Variants in PCDHGC4 observed in about 807,000 individuals in gnomAD.
PCDHGC4 encodes protocadherin gamma-C4.
In PCDHGC4, 15 loss-of-function variants were observed where a neutral mutation model predicts 59.7. That is an observed-to-expected ratio of 0.25 (90% CI 0.17 to 0.39). The LOEUF (loss-of-function observed/expected upper bound fraction) is 0.39. PCDHGC4 is among the 10% of genes least tolerant of loss of function. PCDHGC4 has a pLI of 1.00. For synonymous variants in PCDHGC4, 434 were observed against 481.4 expected (o/e 0.90, Z 1.29); for missense variants, 1,016 against 1,189.5 (o/e 0.85, Z 2.15).
In PCDHGC4 at chr5:141,490,803, C is replaced by A; in HGVS notation, c.2442+3188C>A. The A allele has an allele frequency of 6.2e-7, 1 of 1,613,956 alleles. No homozygotes were observed. Among genetic ancestry groups the A allele is most frequent in the South Asian group, 1.1e-5 (1 of 91,080 alleles). On this transcript the variant is annotated intron_variant, in intron 1 of 3. Transcript: ENST00000306593. The surrounding 1 kb of genome is among the most constrained non-coding windows in gnomAD (Gnocchi z 5.4). ...ATGGACGGATCTTTGCCCAGCGTAC[C>A]TTTGACTATGAATTGCTGCAGATGC...
intron 3 of PCDHGC4, among the ~76,000 whole-genome samples, chr5:141,510,329 A>T (rs1433056614): frequency 2.7e-5 from 4 of 150,230 alleles, no homozygotes; most frequent in Admixed American, 2.7e-4. Flanking sequence ...AGCACTCTTC[A>T]CCCCCACCCC....
rs1203945578 is a variant in PCDHGC4 at position 141,512,055 on chromosome 5, T to G, written c.*882T>G. 6.5e-6 allele frequency: 1 copy of G among 152,698 alleles called. No homozygotes were observed. The highest frequency in any genetic ancestry group is 1.5e-5 in the Non-Finnish European group (1 of 68,092). 9.5% of individuals were successfully genotyped at this position (152,698 alleles called of 1,614,324 possible). The stretch of plus-strand genomic sequence containing the variant: ...GAGGCTCTGTATGTCCTCAGGGGAC[T>G]GACAACATCCTCCAGATTCCAGCCA... On this transcript the variant is annotated 3_prime_UTR_variant, in exon 4 of 4. Transcript: ENST00000306593.
intron 2 of PCDHGC4, among the ~76,000 whole-genome samples, chr5:141,502,401 G>A (rs191747075): frequency 2.0e-5 from 3 of 151,874 alleles, no homozygotes; most frequent in Admixed American, 1.3e-4. Flanking sequence ...AAATGTCCCC[G>A]AACCTGGATT....
At chr5:141,488,978 C>T (rs1346335195) in intron 1 of PCDHGC4, 4 of 388,976 alleles carry the variant, frequency 1.0e-5, no homozygotes, top group African/African-American at 2.1e-5. Flanking sequence ...GCCAATCAGA[C>T]TCAGAGCTGA....
rs2099606506 is a variant in PCDHGC4 at position 141,485,072 on chromosome 5, G to A, written c.-102G>A. ...CCGGCCGAACCGCGCCAGAGCTGGC[G>A]CGGGGAAAGGGAGATAGGTGTCTCC... On this transcript the variant is annotated 5_prime_UTR_variant, in exon 1 of 4. Transcript: ENST00000306593. This position sits in a 1 kb window ranked among gnomAD's most constrained non-coding sequence, Gnocchi z 5.7. 2 of 916,892 alleles carry A rather than the reference G, an allele frequency of 2.2e-6. No homozygotes were observed. The highest frequency in any genetic ancestry group is 3.4e-6 in the Non-Finnish European group (2 of 587,886). The allele number at this position is 916,892 out of a possible 1,614,324, so 56.8% of individuals were successfully genotyped here.
In PCDHGC4 at chr5:141,510,992, T is replaced by C. The variant is rs879030278; in HGVS notation, c.2636T>C (p.Met879Thr). The change falls in exon 4 of 4, where the codon ATG (methionine) becomes ACG (threonine). Residue 879 changes from methionine to threonine, a missense_variant. By Grantham distance (81) the Met-to-Thr change is moderately conservative. Coordinates refer to ENST00000306593, the MANE Select transcript of PCDHGC4 (RefSeq NM_018928.3). ...SSTLGGGAGT[M>T]GLSARYGPQF... is the part of the protein sequence containing the mutation. ...ACCCTGGGAGGGGGTGCCGGCACCA[T>C]GGGATTGAGCGCCCGCTACGGACCC... The C allele has an allele frequency of 1.9e-6, 3 of 1,614,164 alleles. No individual in the cohort carries two copies. The highest frequency in any genetic ancestry group is 2.5e-6 in the Non-Finnish European group (3 of 1,180,006).
chr5:141,501,290 TACACACACACACACACACAC>T (rs55762287), intron 2 of PCDHGC4, among the ~76,000 whole-genome samples: 1 of 136,162 alleles, frequency 7.3e-6, no homozygotes, highest in Non-Finnish European at 1.6e-5. Flanking sequence ...TATTCCCTTA[TACACACACACACACACACAC>T]ACACACACAC....
rs1176011355 is a variant in PCDHGC4 at position 141,485,491 on chromosome 5, G to A, written c.318G>A (p.Leu106=). The A allele has an allele frequency of 1.2e-6, 2 of 1,614,142 alleles. No individual in the cohort carries two copies. Among genetic ancestry groups the A allele is most frequent in the Non-Finnish European group, 1.7e-6 (2 of 1,180,040 alleles). The change falls in exon 1 of 4, where the codon CTG becomes CTA. Residue 106 remains leucine (L), a synonymous_variant. Transcript: ENST00000306593. This position sits in a 1 kb window ranked among gnomAD's most constrained non-coding sequence, Gnocchi z 5.7. ...CGLSASCIVP[L]EFVTEGPLEM... is the part of the protein sequence containing the mutation. ...TCAGTGCCAGCTGCATCGTGCCCCT[G>A]GAGTTTGTCACCGAAGGTCCTTTGG...
In PCDHGC4 at chr5:141,487,365, G is replaced by A. The variant is rs1466536791; in HGVS notation, c.2192G>A (p.Cys731Tyr). The change falls in exon 1 of 4, where the codon TGT becomes TAT. Residue 731 changes from cysteine to tyrosine, a missense_variant. Coordinates refer to ENST00000306593, the MANE Select transcript of PCDHGC4 (RefSeq NM_018928.3). This position sits in a 1 kb window ranked among gnomAD's most constrained non-coding sequence, Gnocchi z 5.0. ...GTCACATGCTTTCCTGCTGGCACCT[G>A]TGCCTGTCTCACCAGATCTCGAAGG... ...CGVTCFPAGT[C>Y]ACLTRSRRRE... is the part of the protein sequence containing the mutation. The A allele has an allele frequency of 1.2e-6, 2 of 1,614,068 alleles. No homozygotes were observed. Among genetic ancestry groups the A allele is most frequent in the South Asian group, 1.1e-5 (1 of 91,088 alleles).
intron 3 of PCDHGC4, among the ~76,000 whole-genome samples, chr5:141,507,645 G>A (rs565235954): frequency 6.6e-6 from 1 of 152,382 alleles, no homozygotes; most frequent in South Asian, 2.1e-4. Flanking sequence ...CTGAGGCCAG[G>A]AAGCAGCTTT....
Position 141,486,107 on chromosome 5 carries a change from A to T in PCDHGC4, c.934A>T (p.Ser312Cys), listed in dbSNP as rs758269750. ...LTLLGPLDFE[S>C]ENYYEFDVRA... ...TCTTTTGGGGCCCCTAGACTTTGAG[A>T]GTGAGAATTACTATGAATTTGATGT... is the stretch of plus-strand genomic sequence containing the variant. The change falls in exon 1 of 4, where the codon AGT becomes TGT. Residue 312 changes from serine (S) to cysteine (C), a missense_variant. By Grantham distance (112) the Ser-to-Cys change is moderately radical. Transcript: ENST00000306593. The surrounding 1 kb of genome is among the most constrained non-coding windows in gnomAD (Gnocchi z 5.0). The T allele has an allele frequency of 6.2e-7, 1 of 1,614,102 alleles. No individual in the cohort carries two copies. Among genetic ancestry groups the T allele is most frequent in the South Asian group, 1.1e-5 (1 of 91,080 alleles).
Position 141,511,132 on chromosome 5 carries a change from A to G in PCDHGC4, c.2776A>G (p.Asn926Asp). The change falls in exon 4 of 4, where the codon AAT (asparagine) becomes GAT (aspartate). Residue 926 changes from asparagine to aspartate, a missense_variant. Coordinates refer to ENST00000306593, the MANE Select transcript of PCDHGC4 (RefSeq NM_018928.3). ...GGATGGCAAGGCCCCAGCAGGTGGC[A>G]ATGGCAACAAGAAGAAGTCGGGCAA... ...KRDGKAPAGG[N>D]GNKKKSGKKE... is the part of the protein sequence containing the mutation. The G allele has an allele frequency of 6.2e-7, 1 of 1,614,218 alleles. No individual in the cohort carries two copies. Among genetic ancestry groups the G allele is most frequent in the Non-Finnish European group, 8.5e-7 (1 of 1,180,018 alleles).
chr5:141,494,400 C>A (rs2099754045), intron 1 of PCDHGC4, among the ~76,000 whole-genome samples: 1 of 152,158 alleles, frequency 6.6e-6, no homozygotes, highest in African/African-American at 2.4e-5. Flanking sequence ...TAAATTCATT[C>A]TAGGGCTGGT....
At position 141,491,098 on chromosome 5, in the gene PCDHGC4, C is replaced by A. The variant is rs1283499077; in HGVS notation, c.2442+3483C>A. ...ACAGTCCACAGCCCCAGGACTGTTC[C>A]TCGTGTCTACACACACTGGTGAGGT... On this transcript the variant is annotated intron_variant, in intron 1 of 3. Coordinates refer to ENST00000306593, the MANE Select transcript of PCDHGC4 (RefSeq NM_018928.3). This position sits in a 1 kb window ranked among gnomAD's most constrained non-coding sequence, Gnocchi z 6.9. 6.2e-7 allele frequency: 1 copy of A among 1,614,216 alleles called. No individual in the cohort carries two copies. Among genetic ancestry groups the A allele is most frequent in the Non-Finnish European group, 8.5e-7 (1 of 1,180,038 alleles).
intron 2 of PCDHGC4, among the ~76,000 whole-genome samples, chr5:141,503,994 A>C (rs1330628079): frequency 6.6e-6 from 1 of 152,158 alleles, no homozygotes; most frequent in Non-Finnish European, 1.5e-5. Context: ...CTTACCTTAC[A>C]GTCACTTAAC....
chr5:141,511,233 TACCTGC>T lies in PCDHGC4; in HGVS notation c.*64_*69del. 4 of 1,595,428 alleles carry T rather than the reference TACCTGC, an allele frequency of 2.5e-6. No individual in the cohort carries two copies. The highest frequency in any genetic ancestry group is 3.4e-6 in the Non-Finnish European group (4 of 1,170,894). ...CTCCCCAACCAGCCCAGCTTCTCCT[TACCTGC>T]ACCCAGGCCTCAGAGTTTCAGGGCT... On this transcript the variant is annotated 3_prime_UTR_variant, in exon 4 of 4. Transcript: ENST00000306593.
chr5:141,495,415 C>T (rs1385371906), intron 2 of PCDHGC4, among the ~76,000 whole-genome samples: 1 of 152,194 alleles, frequency 6.6e-6, no homozygotes, highest in Admixed American at 6.5e-5. Context: ...TTCTCCGGCC[C>T]CTCCTCCCAC....
chr5:141,491,794 TCCGG>T lies in PCDHGC4; in HGVS notation c.2443-3007_2443-3004del. The T allele has an allele frequency of 6.6e-7, 1 of 1,511,056 alleles. No homozygotes were observed. The highest frequency in any genetic ancestry group is 8.8e-7 in the Non-Finnish European group (1 of 1,130,146). 93.6% of individuals were successfully genotyped at this position (1,511,056 alleles called of 1,614,324 possible). A position where few individuals can be genotyped will look rare whatever the true frequency, so the allele number is the denominator to read the frequency against. Reference sequence around the variant, plus strand: ...GGGATTGAACTTGCATCCACTCCTCTCCGGCCGGCTTGGTCGCTGGCTGCGCTCC... The same window carrying T: ...GGGATTGAACTTGCATCCACTCCTCTCCGGCTTGGTCGCTGGCTGCGCTCC... On this transcript the variant is annotated intron_variant, in intron 1 of 3. Transcript: ENST00000306593. The surrounding 1 kb of genome is among the most constrained non-coding windows in gnomAD (Gnocchi z 6.9).
intron 2 of PCDHGC4, among the ~76,000 whole-genome samples, chr5:141,501,075 A>C (rs980856799): frequency 6.6e-6 from 1 of 151,366 alleles, no homozygotes; most frequent in African/African-American, 2.4e-5. Context: ...CACCATGTTG[A>C]CCAGGATGGT....
Sources: gnomAD v4.1 joint callset for allele counts (sites outside exome capture counted in the v4.1 genomes callset) on GRCh38, gnomAD v4.1.1 for gene constraint, Gnocchi (gnomAD v3.1) non-coding constraint, MANE v1.5 for transcripts, NCBI Gene and HGNC (gene_info 2026-07-23, HGNC 2026-07-21) for gene names.